Variants in TAF4B observed in about 807,000 individuals in gnomAD.
TAF4B encodes transcription initiation factor TFIID subunit 4B.
In TAF4B, 38 loss-of-function variants were observed where a neutral mutation model predicts 86.4. The observed-to-expected ratio is 0.44, with a 90% CI of 0.34 to 0.58. The LOEUF is 0.58. Among genes scored for constraint, TAF4B ranks in the 20% least tolerant of loss-of-function variants. The pLI, the probability that TAF4B is intolerant of heterozygous loss-of-function variation, is 0.02. For synonymous variants in TAF4B, 388 were observed against 391.2 expected, an observed-to-expected ratio of 0.99 and a Z score of 0.10; for missense variants, 988 against 1,027.6, an observed-to-expected ratio of 0.96 and a Z score of 0.53.
intron 1 of TAF4B, among the ~76,000 whole-genome samples, chr18:26,235,023 G>GA (rs1568092446): frequency 6.6e-6 from 1 of 152,126 alleles, no homozygotes; most frequent in Non-Finnish European, 1.5e-5. Flanking sequence ...TCCTTACTTA[G>GA]GTATGCCACT....
intron 10 of TAF4B, among the ~76,000 whole-genome samples, chr18:26,319,527 A>T (rs1598796455): frequency 2.6e-5 from 4 of 152,082 alleles, no homozygotes; most frequent in Admixed American, 6.5e-5. Flanking sequence ...AATAAGAAAT[A>T]AAATTGTACT....
Position 26,286,288 on chromosome 18 carries a change from C to T in TAF4B, c.1379C>T (p.Thr460Ile), listed in dbSNP as rs150687744. The change falls in exon 7 of 15, where the codon ACA becomes ATA. Residue 460 changes from threonine (T) to isoleucine (I), a missense_variant. Physicochemically the swap from Thr to Ile is moderately conservative, Grantham distance 89 (BLOSUM62 -1). Around this residue, in one of 3 missense-constraint regions of TAF4B, gnomAD observed 747 missense variants for 737.9 expected, o/e 1.01. Transcript: ENST00000269142. ...LQPEKPVVSG[T>I]AVTLSLPAVT... ...CCTGAAAAGCCAGTTGTCTCTGGAA[C>T]AGCAGTAACACTGTCCCTTCCAGCA... The T allele has an allele frequency of 9.5e-4, 1,533 of 1,614,264 alleles. 3 individuals are homozygous for T. The highest frequency in any genetic ancestry group is 2.4e-3 in the Admixed American group (145 of 60,034).
chr18:26,367,407 G>A (rs938839748), intron 14 of TAF4B, among the ~76,000 whole-genome samples: 3 of 152,172 alleles, frequency 2.0e-5, no homozygotes, highest in African/African-American at 4.8e-5. Context: ...GTGTAAATAC[G>A]GGAATGAGAA....
At chr18:26,261,346 G>C (rs1399174404) in intron 1 of TAF4B, among the ~76,000 whole-genome samples, 1 of 150,440 alleles carries the variant, frequency 6.6e-6, no homozygotes, top group Admixed American at 6.6e-5. Context: ...GACTACAGGC[G>C]CCCGCCACTA....
rs534672480 is a variant in TAF4B, at chr18:26,271,788, G to A, written c.598-2875G>A. On this transcript the variant is annotated intron_variant, in intron 3 of 14. Transcript: ENST00000269142. ...AACATTCAAAAATGAGCCGGGTGGT[G>A]TGGTGGGGGGCGGCTCTCATCCCAG... Among the ~76,000 whole-genome samples the A allele has an allele frequency of 2.0e-3, 302 of 152,138 alleles. 1 individual carries two copies. The highest frequency in any genetic ancestry group is 3.8e-3 in the Non-Finnish European group (258 of 68,012).
intron 9 of TAF4B, among the ~76,000 whole-genome samples, chr18:26,300,806 C>G (rs1294307956): frequency 1.3e-5 from 2 of 151,800 alleles, no homozygotes; most frequent in East Asian, 3.9e-4. Context: ...TTTTATTTTT[C>G]AGACTGTTTC....
rs1014816866 is a variant in TAF4B at position 26,315,543 on chromosome 18, C to T, written c.2002+145C>T. On this transcript the variant is annotated intron_variant, in intron 10 of 14. Transcript: ENST00000269142. ...AATAATCAAGATTTCATGGGCATTACAGAAAGAAGTAGTTTATTTTAAAAA... is the reference window on the plus strand; with the variant it reads ...AATAATCAAGATTTCATGGGCATTATAGAAAGAAGTAGTTTATTTTAAAAA... 7.3e-5 allele frequency: 38 copies of T among 517,142 alleles called. No individual in the cohort carries two copies. The East Asian group carries it at 7.6e-4, about 10-fold the overall frequency. The allele number at this position is 517,142 out of a possible 1,614,324, so 32.0% of individuals were successfully genotyped here. A position where few individuals can be genotyped will look rare whatever the true frequency, so the allele number is the denominator to read the frequency against.
intron 11 of TAF4B, among the ~76,000 whole-genome samples, chr18:26,325,855 C>T (rs2056999206): frequency 6.6e-6 from 1 of 152,118 alleles, no homozygotes; most frequent in Admixed American, 6.6e-5. Context: ...ATAAGTAGCA[C>T]TAATATATCC....
At chr18:26,257,735 A>G (rs1267250117) in intron 1 of TAF4B, among the ~76,000 whole-genome samples, 2 of 152,066 alleles carry the variant, frequency 1.3e-5, no homozygotes, top group Admixed American at 6.6e-5. Flanking sequence ...TTTAGGGCTT[A>G]CAATATGAAC....
intron 13 of TAF4B, among the ~76,000 whole-genome samples, chr18:26,357,365 T>G (rs543638044): frequency 1.3e-5 from 2 of 152,332 alleles, no homozygotes; most frequent in East Asian, 3.9e-4. Flanking sequence ...TTGACCAATC[T>G]CTCTCTGACT....
At chr18:26,304,383 C>T (rs911988986) in intron 9 of TAF4B, among the ~76,000 whole-genome samples, 6 of 151,916 alleles carry the variant, frequency 3.9e-5, no homozygotes, top group East Asian at 3.8e-4. Context: ...AAATAAAATA[C>T]GGAATCTCAA....
chr18:26,249,335 G>C (rs1568103597), intron 1 of TAF4B, among the ~76,000 whole-genome samples: 1 of 152,078 alleles, frequency 6.6e-6, no homozygotes, highest in Non-Finnish European at 1.5e-5. Flanking sequence ...ACAAAAATTA[G>C]CCAGGGTATT....
intron 9 of TAF4B, among the ~76,000 whole-genome samples, chr18:26,304,324 CAT>C (rs1485360174): frequency 4.0e-5 from 6 of 151,884 alleles, no homozygotes; most frequent in Non-Finnish European, 7.4e-5. Flanking sequence ...TGACTTCAAA[CAT>C]AGGATGATCA....
chr18:26,346,167 T>C (rs1229031461), intron 13 of TAF4B, among the ~76,000 whole-genome samples: 1 of 151,970 alleles, frequency 6.6e-6, no homozygotes, highest in African/African-American at 2.4e-5. Flanking sequence ...GAGATAGATA[T>C]CGTAATAAAG....
chr18:26,331,016 A>T (rs2057046062), intron 12 of TAF4B, among the ~76,000 whole-genome samples: 1 of 152,010 alleles, frequency 6.6e-6, no homozygotes. Flanking sequence ...CCACTGGCCT[A>T]TACCTTCACA....
chr18:26,329,575 G>A (rs573105767), intron 12 of TAF4B, among the ~76,000 whole-genome samples: 5 of 152,234 alleles, frequency 3.3e-5, no homozygotes, highest in African/African-American at 1.2e-4. Flanking sequence ...GGGTTTCTCA[G>A]TCTTTCTCTT....
chr18:26,362,442 T>C (rs926295992), intron 14 of TAF4B, among the ~76,000 whole-genome samples: 21 of 152,336 alleles, frequency 1.4e-4, no homozygotes, highest in African/African-American at 4.8e-4. Flanking sequence ...TGAGCATCAA[T>C]TCTTATTCTC....
intron 5 of TAF4B, among the ~76,000 whole-genome samples, chr18:26,281,350 C>CT: frequency 6.6e-6 from 1 of 152,192 alleles, no homozygotes; most frequent in South Asian, 2.1e-4. Flanking sequence ...ACCAGATGTT[C>CT]TCTGTCACCG....
chr18:26,276,989 A>T (rs534473755), intron 5 of TAF4B, among the ~76,000 whole-genome samples: 3 of 152,260 alleles, frequency 2.0e-5, no homozygotes, highest in Non-Finnish European at 4.4e-5. Context: ...TGGTTTTAGG[A>T]TACCTTTAAA....
Sources: allele counts gnomAD v4.1 joint callset (sites outside exome capture counted in the v4.1 genomes callset), GRCh38; gene constraint gnomAD v4.1.1; regional missense constraint gnomAD v4.1.1; transcripts MANE v1.5; gene names NCBI Gene and HGNC (gene_info 2026-07-23, HGNC 2026-07-21).